Variants in TXNRD1 observed in about 807,000 individuals in gnomAD.
TXNRD1 encodes the protein thioredoxin reductase 1.
Under a neutral mutation model 80.3 loss-of-function variants are expected in TXNRD1, and 57 were observed. The observed-to-expected ratio is 0.71, with a 90% CI of 0.57 to 0.89. The LOEUF is 0.89. TXNRD1 is among the 40% of genes least tolerant of loss of function. The pLI, the probability that TXNRD1 is intolerant of heterozygous loss-of-function variation, is 0.00. For missense variants in TXNRD1, 730 were observed against 803.0 expected (o/e 0.91, Z 1.10); for synonymous variants, 291 against 285.2 (o/e 1.02, Z -0.20).
At chr12:104,303,784 TGGGAGGGCC>T in intron 4 of TXNRD1, 1 of 1,277,552 alleles carries the variant, frequency 7.8e-7, no homozygotes, top group South Asian at 1.6e-5. Flanking sequence ...TTCCACACGC[TGGGAGGGCC>T]GTTACCTCAG....
intron 7 of TXNRD1, among the ~76,000 whole-genome samples, chr12:104,318,283 ACT>A (rs1565899374): frequency 1.3e-5 from 2 of 152,246 alleles, no homozygotes; most frequent in Admixed American, 6.5e-5. Flanking sequence ...ATGTGATAAG[ACT>A]CTTAAAATCC....
intron 16 of TXNRD1, among the ~76,000 whole-genome samples, chr12:104,342,600 A>G (rs1015415453): frequency 4.6e-5 from 7 of 152,144 alleles, no homozygotes; most frequent in African/African-American, 1.7e-4. Flanking sequence ...CAAGGAACTG[A>G]AGAAGACCCT....
At chr12:104,324,944 C>T (rs2135845139) in intron 10 of TXNRD1, among the ~76,000 whole-genome samples, 1 of 152,282 alleles carries the variant, frequency 6.6e-6, no homozygotes, top group African/African-American at 2.4e-5. Context: ...AAAAGAGAAT[C>T]TCTGAATTTG....
intron 2 of TXNRD1, among the ~76,000 whole-genome samples, chr12:104,257,500 GA>G (rs1345022380): frequency 6.8e-6 from 1 of 146,544 alleles, no homozygotes; most frequent in African/African-American, 2.5e-5. Context: ...TCCGCCTCCT[GA>G]GTTCAAGTGA....
At chr12:104,266,277 C>T (rs555008837) in intron 3 of TXNRD1, among the ~76,000 whole-genome samples, 126 of 151,898 alleles carry the variant, frequency 8.3e-4, no homozygotes, top group African/African-American at 2.9e-3. Context: ...CCTGTAATCC[C>T]AGTACTTTGG....
At chr12:104,326,872 G>A (rs35666727) in intron 12 of TXNRD1, among the ~76,000 whole-genome samples, 1 of 152,092 alleles carries the variant, frequency 6.6e-6, no homozygotes, top group Non-Finnish European at 1.5e-5. Context: ...GTCTCGCTCT[G>A]TCACCCAGGC....
intron 2 of TXNRD1, among the ~76,000 whole-genome samples, chr12:104,256,227 A>G (rs140911705): frequency 2.4e-3 from 373 of 152,316 alleles, no homozygotes; most frequent in African/African-American, 8.6e-3. Context: ...GAGTAATGTC[A>G]TTTGCATTAA....
intron 4 of TXNRD1, among the ~76,000 whole-genome samples, chr12:104,305,932 G>A (rs551097088): frequency 2.3e-4 from 35 of 152,048 alleles, no homozygotes; most frequent in African/African-American, 8.4e-4. Context: ...TCGAGACAGA[G>A]TATCACTCTT....
intron 4 of TXNRD1, among the ~76,000 whole-genome samples, chr12:104,298,564 A>G (rs1263062626): frequency 6.6e-6 from 1 of 151,976 alleles, no homozygotes; most frequent in Admixed American, 6.6e-5. Flanking sequence ...TCTCTACTAA[A>G]AATACAAAAC....
At position 104,333,318 on chromosome 12, in the gene TXNRD1, A is replaced by G. The variant is rs185412493; in HGVS notation, c.1651-919A>G. On this transcript the variant is annotated intron_variant, in intron 14 of 16. Coordinates refer to ENST00000525566, the MANE Select transcript of TXNRD1 (RefSeq NM_001093771.3). ...CATATTTCTTGATAGACAATATTTA[A>G]GTTTTTTAAAATTTGCTTTGTTATT... is the stretch of plus-strand genomic sequence containing the variant. Among the ~76,000 whole-genome samples the G allele has an allele frequency of 1.2e-4, 19 of 152,180 alleles. 1 individual carries two copies. The East Asian group carries it at 3.7e-3, about 29-fold the overall frequency.
At chr12:104,337,953 A>ATTT (rs761640158) in intron 15 of TXNRD1, among the ~76,000 whole-genome samples, 23,107 of 116,450 alleles carry the variant, frequency 0.2, 2,669 homozygotes, top group African/African-American at 0.25. Context: ...TGCCCAGCTA[A>ATTT]TTTTTTTTTT....
intron 1 of TXNRD1, among the ~76,000 whole-genome samples, chr12:104,218,330 A>G (rs2032268670): frequency 6.6e-6 from 1 of 151,820 alleles, no homozygotes; most frequent in African/African-American, 2.4e-5. Flanking sequence ...GGCCTGAACT[A>G]TTTTATAATA....
At chr12:104,228,366 C>T (rs1447212022) in intron 1 of TXNRD1, among the ~76,000 whole-genome samples, 1 of 150,810 alleles carries the variant, frequency 6.6e-6, no homozygotes, top group Non-Finnish European at 1.5e-5. Context: ...GTTGTGGTGG[C>T]TTACTCCTGT....
chr12:104,257,689 G>A (rs932150598), intron 2 of TXNRD1, among the ~76,000 whole-genome samples: 4 of 152,080 alleles, frequency 2.6e-5, no homozygotes, highest in South Asian at 2.1e-4. Flanking sequence ...GATTACAGAC[G>A]TGAGCCACCG....
intron 14 of TXNRD1, 58 bp from the exon 15 acceptor site, chr12:104,334,179 T>G: frequency 1.2e-6 from 1 of 814,044 alleles, no homozygotes; most frequent in Non-Finnish European, 1.9e-6. Context: ...ACCATATATG[T>G]TTGACAGACT....
intron 4 of TXNRD1, among the ~76,000 whole-genome samples, chr12:104,309,470 G>A (rs1382251259): frequency 1.3e-5 from 2 of 152,202 alleles, no homozygotes; most frequent in African/African-American, 4.8e-5. Flanking sequence ...ATTTGTTCTA[G>A]TAGGTATGTT....
intron 10 of TXNRD1, among the ~76,000 whole-genome samples, chr12:104,324,497 G>A (rs981946583): frequency 2.0e-5 from 3 of 151,826 alleles, no homozygotes; most frequent in Admixed American, 6.6e-5. Context: ...GACTACAGGC[G>A]CCCGCCACCA....
chr12:104,322,797 ATT>A (rs34502129), intron 10 of TXNRD1, among the ~76,000 whole-genome samples: 10 of 148,484 alleles, frequency 6.7e-5, no homozygotes, highest in South Asian at 6.4e-4. Flanking sequence ...CCTATATACA[ATT>A]TTTTTTTTTT....
Position 104,265,952 on chromosome 12 carries a change from TC to T in TXNRD1, c.304+7874del, listed in dbSNP as rs2033476443. 2.6e-5 allele frequency: 12 copies of T among 468,396 alleles called. No homozygotes were observed. The Admixed American group carries it at 4.1e-4, about 16-fold the overall frequency. The allele number at this position is 468,396 out of a possible 1,614,324, so 29.0% of individuals were successfully genotyped here. A position where few individuals can be genotyped will look rare whatever the true frequency, so the allele number is the denominator to read the frequency against. On this transcript the variant is annotated intron_variant, in intron 3 of 16. Coordinates refer to ENST00000525566, the MANE Select transcript of TXNRD1 (RefSeq NM_001093771.3). ...CAAACTGAGCCAGTCCCACACAAAA[TC>T]TTAAAAAAAAAAAAAGAAAAGAAAT...
Sources: gnomAD v4.1 joint callset for allele counts (sites outside exome capture counted in the v4.1 genomes callset) on GRCh38, gnomAD v4.1.1 for gene constraint, MANE v1.5 for transcripts, NCBI Gene and HGNC (gene_info 2026-07-23, HGNC 2026-07-21) for gene names.